Variants in HCN4 observed in about 807,000 individuals in gnomAD.
HCN4 encodes the protein hyperpolarization activated cyclic nucleotide gated potassium channel 4.
Under a neutral mutation model 76.9 loss-of-function variants are expected in HCN4, and 29 were observed. The ratio of observed to expected loss-of-function variants is 0.38; its 90% CI spans 0.28 to 0.51. HCN4 has a LOEUF of 0.51. HCN4 is among the 20% of genes least tolerant of loss of function. HCN4 has a pLI of 0.90. For missense variants in HCN4, 1,416 were observed against 1,715.2 expected, an observed-to-expected ratio of 0.83 and a Z score of 3.08; for synonymous variants, 772 against 762.5, an observed-to-expected ratio of 1.01 and a Z score of -0.21.
rs1287585732 is a variant in HCN4 at position 73,364,443 on chromosome 15, T to TTTG, written c.785+3040_785+3042dup. Among the ~76,000 whole-genome samples, 4 of 152,198 alleles carry TTTG rather than the reference T, an allele frequency of 2.6e-5. No individual in the cohort carries two copies. In the East Asian group the frequency reaches 5.8e-4, roughly 22 times the overall value. On this transcript the variant is annotated intron_variant, in intron 1 of 7. Transcript: ENST00000261917. The stretch of plus-strand genomic sequence containing the variant: ...ACAAGATTAGCCAGTACCTATGTTT[T>TTTG]TTGTTGTTGTTGTTGTTCCAGGTTC...
In HCN4 at chr15:73,322,776, G is replaced by C; in HGVS notation, c.3317C>G (p.Pro1106Arg). ...DGAQTLRRASPHSSGESMAAF... is the reference protein window; with the variant it reads ...DGAQTLRRASRHSSGESMAAF... ...AGCCATGGACTCCCCTGAGGAGTGC[G>C]GGGAGGCTCTGCGGAGAGTCTGCGC... is the stretch of plus-strand genomic sequence containing the variant. The change falls in exon 8 of 8, where the codon CCG becomes CGG. Residue 1106 changes from proline to arginine, a missense_variant. Pro to Arg is a moderately radical substitution (Grantham distance 103). Transcript: ENST00000261917. 5 of 1,556,904 alleles carry C rather than the reference G, an allele frequency of 3.2e-6. No homozygotes were observed. The highest frequency in any genetic ancestry group is 4.3e-6 in the Non-Finnish European group (5 of 1,149,990).
intron 1 of HCN4, among the ~76,000 whole-genome samples, chr15:73,365,030 G>A (rs2043122420): frequency 6.6e-6 from 1 of 152,210 alleles, no homozygotes; most frequent in Non-Finnish European, 1.5e-5. Context: ...GCTTGCAGAA[G>A]CTCTTGCGAA....
chr15:73,323,059 C>A lies in HCN4; in HGVS notation c.3034G>T (p.Gly1012Trp), dbSNP rs766728086. 2 of 1,536,684 alleles carry A rather than the reference C, an allele frequency of 1.3e-6. No individual in the cohort carries two copies. The highest frequency in any genetic ancestry group is 1.8e-4 in the Middle Eastern group (1 of 5,710). ...GTAAAGCCTACAGGGGAAGCCCCCC[C>A]AGAGGCCCCTGCCACAAGGGACGGC... ...EPPSLVAGAS[G>W]GASPVGFTPR... is the part of the protein sequence containing the mutation. Residue 1012 changes from glycine (G) to tryptophan (W), a missense_variant, in exon 8 of 8, where the codon GGG becomes TGG. Transcript: ENST00000261917.
At chr15:73,349,259 A>C (rs2043042116) in intron 1 of HCN4, among the ~76,000 whole-genome samples, 1 of 152,164 alleles carries the variant, frequency 6.6e-6, no homozygotes, top group South Asian at 2.1e-4. Flanking sequence ...GTGAGAATGG[A>C]GGAGGATGGC....
intron 2 of HCN4, among the ~76,000 whole-genome samples, chr15:73,334,619 G>A (rs960279241): frequency 2.0e-5 from 3 of 151,956 alleles, no homozygotes; most frequent in African/African-American, 4.8e-5. Flanking sequence ...TGGGGAGGGC[G>A]AGTGACACAG....
chr15:73,361,489 C>A lies in HCN4; in HGVS notation c.785+5997G>T, dbSNP rs555047885. On this transcript the variant is annotated intron_variant, in intron 1 of 7. Transcript: ENST00000261917. ...GGCGAAAGCAAGACTGTCTGGCCGGCCTCAGTAGCCCTTCTATTAATTAGC... is the reference window on the plus strand; with the variant it reads ...GGCGAAAGCAAGACTGTCTGGCCGGACTCAGTAGCCCTTCTATTAATTAGC... Among the ~76,000 whole-genome samples, 4 of 152,370 alleles carry A rather than the reference C, an allele frequency of 2.6e-5. No individual in the cohort carries two copies. In the South Asian group the frequency reaches 8.3e-4, roughly 32 times the overall value.
rs190386542 is a variant in HCN4 at position 73,328,065 on chromosome 15, G to A, written c.1590+1508C>T. On this transcript the variant is annotated intron_variant, in intron 4 of 7. Coordinates refer to ENST00000261917, the MANE Select transcript of HCN4 (RefSeq NM_005477.3). The surrounding 1 kb of genome is among the most constrained non-coding windows in gnomAD (Gnocchi z 4.0). The stretch of plus-strand genomic sequence containing the variant: ...TGGAGCCGTGGCCTGGAGAGGGAAG[G>A]TGGGTTTGTTAAACAGATGGCTGCC... Among the ~76,000 whole-genome samples the A allele has an allele frequency of 1.3e-5, 2 of 152,320 alleles. No individual in the cohort carries two copies. The highest frequency in any genetic ancestry group is 2.9e-5 in the Non-Finnish European group (2 of 68,034).
Position 73,368,124 on chromosome 15 carries a change from C to T in HCN4, c.147G>A (p.Arg49=). The T allele has an allele frequency of 6.6e-7, 1 of 1,511,214 alleles. No homozygotes were observed. The allele number at this position is 1,511,214 out of a possible 1,614,324, so 93.6% of individuals were successfully genotyped here. The change falls in exon 1 of 8, where the codon CGG becomes CGA. Residue 49 remains arginine, a synonymous_variant. Coordinates refer to ENST00000261917, the MANE Select transcript of HCN4 (RefSeq NM_005477.3). This position sits in a 1 kb window ranked among gnomAD's most constrained non-coding sequence, Gnocchi z 6.9. ...GGGAGGGCGAGGGCAGTGGCCGCAG[C>T]CGGATGCTCCTGCGGCTGGGGTCTT... ...GRQDPSRRSI[R]LRPLPSPSPS... is the part of the protein sequence containing the mutation.
chr15:73,343,844 G>C lies in HCN4; in HGVS notation c.786-36C>G. On this transcript the variant is annotated intron_variant, in intron 1 of 7. Transcript: ENST00000261917. The surrounding 1 kb of genome is among the most constrained non-coding windows in gnomAD (Gnocchi z 5.7). ...ACACAGGGGTCAGTCGCCAGGAAGAGAGAGAGGACAAGTTACAGACTAAGG... is the reference window on the plus strand; with the variant it reads ...ACACAGGGGTCAGTCGCCAGGAAGACAGAGAGGACAAGTTACAGACTAAGG... The C allele has an allele frequency of 6.2e-7, 1 of 1,606,856 alleles. No homozygotes were observed. Among genetic ancestry groups the C allele is most frequent in the Non-Finnish European group, 8.5e-7 (1 of 1,174,458 alleles).
chr15:73,359,615 G>A lies in HCN4; in HGVS notation c.785+7871C>T, dbSNP rs116308555. 6.2e-3 allele frequency among the ~76,000 whole-genome samples: 942 copies of A among 152,108 alleles called. 8 individuals are homozygous for A. The highest frequency in any genetic ancestry group is 0.021 in the African/African-American group (889 of 41,486). ...ACAAGGATGCCAGTTCCTGACCCTAGACCAAACCCTTCCCTTGGCCACAGA... is the reference window on the plus strand; with the variant it reads ...ACAAGGATGCCAGTTCCTGACCCTAAACCAAACCCTTCCCTTGGCCACAGA... On this transcript the variant is annotated intron_variant, in intron 1 of 7. Coordinates refer to ENST00000261917, the MANE Select transcript of HCN4 (RefSeq NM_005477.3).
intron 2 of HCN4, among the ~76,000 whole-genome samples, chr15:73,336,072 C>G (rs1051368954): frequency 2.6e-5 from 4 of 152,086 alleles, no homozygotes; most frequent in Admixed American, 2.6e-4. Context: ...AACCCAGCAA[C>G]AGAGGAAGGC....
At chr15:73,350,392 T>C (rs1215192936) in intron 1 of HCN4, among the ~76,000 whole-genome samples, 1 of 152,154 alleles carries the variant, frequency 6.6e-6, no homozygotes, top group Non-Finnish European at 1.5e-5. Context: ...TCCTACTAAA[T>C]ATCCAAGTTT....
Position 73,321,005 on chromosome 15 carries a change from G to A in HCN4, c.*1476C>T, listed in dbSNP as rs1017833380. On this transcript the variant is annotated 3_prime_UTR_variant, in exon 8 of 8. Coordinates refer to ENST00000261917, the MANE Select transcript of HCN4 (RefSeq NM_005477.3). Reference sequence around the variant, plus strand: ...GAGCAATAGGCTGGGCATATGAGGGGCAGAAGAAATGTGATTTTTTATTGA... The same window carrying A: ...GAGCAATAGGCTGGGCATATGAGGGACAGAAGAAATGTGATTTTTTATTGA... 1.3e-5 allele frequency: 2 copies of A among 152,310 alleles called. No individual in the cohort carries two copies. Among genetic ancestry groups the A allele is most frequent in the Admixed American group, 1.3e-4 (2 of 15,310 alleles). The allele number at this position is 152,310 out of a possible 1,614,324, so 9.4% of individuals were successfully genotyped here.
At chr15:73,352,013 A>G (rs1308933184) in intron 1 of HCN4, among the ~76,000 whole-genome samples, 3 of 152,200 alleles carry the variant, frequency 2.0e-5, no homozygotes, top group Non-Finnish European at 2.9e-5. Context: ...TCTCCTGGGA[A>G]GCCTTCTTTG....
intron 1 of HCN4, among the ~76,000 whole-genome samples, chr15:73,366,022 C>T (rs550638323): frequency 6.6e-6 from 1 of 152,230 alleles, no homozygotes. Context: ...GAACCTGGCA[C>T]TGGGAACCCA....
At chr15:73,345,838 C>T (rs2043027345) in intron 1 of HCN4, among the ~76,000 whole-genome samples, 1 of 152,094 alleles carries the variant, frequency 6.6e-6, no homozygotes, top group African/African-American at 2.4e-5. Flanking sequence ...AATAATACAC[C>T]CAGGCTGGAG....
At chr15:73,335,449 A>G (rs946081453) in intron 2 of HCN4, 9 of 152,312 alleles carry the variant, frequency 5.9e-5, no homozygotes, top group African/African-American at 2.2e-4. Flanking sequence ...ACTGTTAAAG[A>G]AAATATATTC....
At chr15:73,337,049 A>G (rs1256994549) in intron 2 of HCN4, among the ~76,000 whole-genome samples, 1 of 152,136 alleles carries the variant, frequency 6.6e-6, no homozygotes, top group Non-Finnish European at 1.5e-5. Flanking sequence ...CCAGGCCCTC[A>G]GTACTGGGCT....
rs1305362314 is a variant in HCN4, at chr15:73,367,205, T to C, written c.785+281A>G. Among the ~76,000 whole-genome samples, 1 of 152,166 alleles carries C rather than the reference T, an allele frequency of 6.6e-6. No individual in the cohort carries two copies. The highest frequency in any genetic ancestry group is 2.4e-5 in the African/African-American group (1 of 41,442). On this transcript the variant is annotated intron_variant, in intron 1 of 7. Coordinates refer to ENST00000261917, the MANE Select transcript of HCN4 (RefSeq NM_005477.3). This position sits in a 1 kb window ranked among gnomAD's most constrained non-coding sequence, Gnocchi z 7.5. ...TGTGGCTTAAGGTGGCAGAGCCCTATCCTGGCTGCCGGCAGGGGTAGGCCA... is the reference window on the plus strand; with the variant it reads ...TGTGGCTTAAGGTGGCAGAGCCCTACCCTGGCTGCCGGCAGGGGTAGGCCA...
Sources: allele counts gnomAD v4.1 joint callset (sites outside exome capture counted in the v4.1 genomes callset), GRCh38; gene constraint gnomAD v4.1.1; non-coding constraint Gnocchi (gnomAD v3.1); transcripts MANE v1.5; gene names NCBI Gene and HGNC (gene_info 2026-07-23, HGNC 2026-07-21).